The following TCEA3 variants were observed in gnomAD, a reference collection of about 807,000 sequenced individuals.
TCEA3 encodes transcription elongation factor A3, also known as transcription elongation factor A protein 3.
A neutral mutation model predicts 44.0 loss-of-function variants in TCEA3; 36 were observed. That is an observed-to-expected ratio of 0.82 (90% confidence interval 0.63 to 1.08). The LOEUF (loss-of-function observed/expected upper bound fraction) is 1.08. Among genes scored for constraint, TCEA3 ranks in the 50% least tolerant of loss-of-function variants. The pLI, the probability that TCEA3 is intolerant of heterozygous loss-of-function variation, is 0.00. For synonymous variants in TCEA3, 162 were observed against 159.7 expected (o/e 1.01, Z -0.11); for missense variants, 392 against 441.2 (o/e 0.89, Z 1.00).
At position 23,396,205 on chromosome 1, in the gene TCEA3, C is replaced by A. The variant is rs1477407561; in HGVS notation, c.664+1340G>T. 2.0e-5 allele frequency among the ~76,000 whole-genome samples: 3 copies of A among 152,088 alleles called. No individual in the cohort carries two copies. The East Asian group carries it at 5.8e-4, about 29-fold the overall frequency. On this transcript the variant is annotated intron_variant, in intron 7 of 10. Coordinates refer to ENST00000450454, the MANE Select transcript of TCEA3 (RefSeq NM_003196.3). ...TTGTCGTCTGCAGATTGGCCCCTGGCTCTCCTCAACAGACCCTGCTGAACT... is the reference window on the plus strand; with the variant it reads ...TTGTCGTCTGCAGATTGGCCCCTGGATCTCCTCAACAGACCCTGCTGAACT...
At chr1:23,418,345 T>A in intron 2 of TCEA3, 1 of 266,960 alleles carries the variant, frequency 3.7e-6, no homozygotes, top group South Asian at 6.0e-5. Context: ...GGAGTCTCGC[T>A]ATGTTGCCCA....
At chr1:23,393,713 G>C (rs1238815662) in intron 8 of TCEA3, among the ~76,000 whole-genome samples, 166 bp downstream of exon 8, 1 of 152,336 alleles carries the variant, frequency 6.6e-6, no homozygotes, top group African/African-American at 2.4e-5. Flanking sequence ...TATTAGCTGT[G>C]TTCAGTATCC....
intron 10 of TCEA3, 129 bp from the exon 11 acceptor site, chr1:23,381,603 A>G: frequency 1.4e-6 from 1 of 711,952 alleles, no homozygotes; most frequent in East Asian, 2.5e-5. Context: ...CAGCTCTGCC[A>G]TTATTAGCTG....
intron 9 of TCEA3, among the ~76,000 whole-genome samples, chr1:23,384,757 C>T (rs1296050030): frequency 6.6e-6 from 1 of 151,050 alleles, no homozygotes; most frequent in East Asian, 1.9e-4. Context: ...ACCTCCACCT[C>T]CTGGGTTCAA....
At chr1:23,391,148 CTT>C (rs59905045) in intron 8 of TCEA3, among the ~76,000 whole-genome samples, 1,703 of 126,172 alleles carry the variant, frequency 0.013, 14 homozygotes, top group African/African-American at 0.047. Context: ...TTCTTTCTTT[CTT>C]TTTTTTTTTT....
intron 4 of TCEA3, among the ~76,000 whole-genome samples, chr1:23,413,699 G>A (rs1030571615): frequency 6.6e-6 from 1 of 152,210 alleles, no homozygotes. Context: ...CTCCCAAAGT[G>A]CTGGGATTAA....
chr1:23,381,499 A>T, intron 10 of TCEA3, 25 bp from the exon 11 acceptor site: 1 of 780,844 alleles, frequency 1.3e-6, no homozygotes, highest in Non-Finnish European at 2.4e-6. Context: ...AGGCAACAAA[A>T]TTTGAAAGGT....
chr1:23,399,144 GTATATATATATATA>G (rs60424866), intron 5 of TCEA3, among the ~76,000 whole-genome samples: 17 of 61,146 alleles, frequency 2.8e-4, no homozygotes, highest in Admixed American at 8.5e-4. Flanking sequence ...ATGTATATAT[GTATATATATATATA>G]TATATATATA....
chr1:23,418,339 T>G (rs1639955602), intron 2 of TCEA3: 1 of 274,586 alleles, frequency 3.6e-6, no homozygotes. Context: ...TGAGATGGAG[T>G]CTCGCTATGT....
At chr1:23,409,575 C>T (rs970615864) in intron 4 of TCEA3, among the ~76,000 whole-genome samples, 21 of 152,104 alleles carry the variant, frequency 1.4e-4, no homozygotes, top group Admixed American at 5.9e-4. Flanking sequence ...GACAGAGTCT[C>T]ACTCTGTCAC....
Position 23,417,378 on chromosome 1 carries a change from G to C in TCEA3, c.251C>G (p.Pro84Arg). Residue 84 changes from proline to arginine, a missense_variant, in exon 4 of 11, where the codon CCC (proline) becomes CGC (arginine). By Grantham distance (103) the Pro-to-Arg change is moderately radical. Coordinates refer to ENST00000450454, the MANE Select transcript of TCEA3 (RefSeq NM_003196.3). Reference sequence around the variant, plus strand: ...TTCCTCTCCTTTTTCTCCTTTTGGGGGTCCAGGGGAGTCTGAAAACAAAAG... The same window carrying C: ...TTCCTCTCCTTTTTCTCCTTTTGGGCGTCCAGGGGAGTCTGAAAACAAAAG... The part of the protein sequence containing the change: ...NWKRLLDSPG[P>R]PKGEKGEERE... The C allele has an allele frequency of 6.2e-7, 1 of 1,613,104 alleles. No individual in the cohort carries two copies.
chr1:23,408,949 T>A (rs1639632720), intron 4 of TCEA3, among the ~76,000 whole-genome samples: 1 of 152,216 alleles, frequency 6.6e-6, no homozygotes, highest in Non-Finnish European at 1.5e-5. Context: ...GAAGTCGATA[T>A]CTGCCAAGGG....
At chr1:23,392,597 C>T (rs2148552737) in intron 8 of TCEA3, among the ~76,000 whole-genome samples, 1 of 149,752 alleles carries the variant, frequency 6.7e-6, no homozygotes, top group Admixed American at 6.6e-5. Flanking sequence ...TACACACACA[C>T]TCCACACATC....
At chr1:23,420,678 G>A (rs1640035873) in intron 1 of TCEA3, among the ~76,000 whole-genome samples, 1 of 152,102 alleles carries the variant, frequency 6.6e-6, no homozygotes, top group East Asian at 1.9e-4. Flanking sequence ...ACTTCTCTCG[G>A]GTAAAGAGAA....
rs556668310 is a variant in TCEA3 at position 23,404,072 on chromosome 1, A to C, written c.443+4592T>G. On this transcript the variant is annotated intron_variant, in intron 5 of 10. Coordinates refer to ENST00000450454, the MANE Select transcript of TCEA3 (RefSeq NM_003196.3). ...AGTCCTTAGAAAATCCTCCTGCCCC[A>C]GGTCTGAGTAGAGGCATCTGGAGGC... The C allele has an allele frequency of 9.7e-5, 68 of 700,202 alleles. No homozygotes were observed. In the African/African-American group the frequency reaches 1.0e-3, roughly 11 times the overall value. 43.4% of individuals were successfully genotyped at this position (700,202 alleles called of 1,614,324 possible).
intron 10 of TCEA3, chr1:23,383,654 GC>G: frequency 1.0e-6 from 1 of 985,466 alleles, no homozygotes; most frequent in Non-Finnish European, 1.2e-6. Flanking sequence ...CCTGCAGCCT[GC>G]CTGGTGGCCC....
chr1:23,424,668 AGGGGCAGCAGTAGGGCCTCG>A lies in TCEA3; in HGVS notation c.-55_-36del, dbSNP rs1640168644. ...CGACGCCCGGCGGGGCGAGGGGCAC[AGGGGCAGCAGTAGGGCCTCG>A]GGGGCAGGAGGCGCGAAGGCGGAGG... On this transcript the variant is annotated 5_prime_UTR_variant, in exon 1 of 11. Coordinates refer to ENST00000450454, the MANE Select transcript of TCEA3 (RefSeq NM_003196.3). The A allele has an allele frequency of 5.7e-6, 9 of 1,569,710 alleles. No individual in the cohort carries two copies. Among genetic ancestry groups the A allele is most frequent in the Non-Finnish European group, 7.8e-6 (9 of 1,152,418 alleles).
At chr1:23,424,534 G>A in intron 1 of TCEA3, 31 bp downstream of exon 1, 1 of 1,587,936 alleles carries the variant, frequency 6.3e-7, no homozygotes, top group Non-Finnish European at 8.6e-7. Flanking sequence ...TCCCGGGGGC[G>A]GGGGCCGTGG....
intron 5 of TCEA3, among the ~76,000 whole-genome samples, chr1:23,405,401 C>T (rs1015572251): frequency 1.3e-5 from 2 of 152,084 alleles, no homozygotes; most frequent in African/African-American, 4.8e-5. Context: ...TCGAGACCAT[C>T]CTGGCCAACA....
Sources: gnomAD v4.1 joint callset for allele counts (sites outside exome capture counted in the v4.1 genomes callset) on GRCh38, gnomAD v4.1.1 for gene constraint, MANE v1.5 for transcripts, NCBI Gene and HGNC (gene_info 2026-07-23, HGNC 2026-07-21) for gene names.